USP10: variants seen among roughly 807,000 people sequenced by gnomAD.
USP10 encodes ubiquitin carboxyl-terminal hydrolase 10.
Under a neutral mutation model 84.5 loss-of-function variants are expected in USP10, and 22 were observed. That is an observed-to-expected ratio of 0.26 (90% CI 0.19 to 0.37). The LOEUF (loss-of-function observed/expected upper bound fraction) is 0.37, where lower values mean the gene tolerates loss of function less well. Among genes scored for constraint, USP10 ranks in the 10% least tolerant of loss-of-function variants. The probability of loss-of-function intolerance (pLI) is 1.00; values close to 1 mark genes in which losing one functional copy is unlikely to be tolerated. For synonymous variants in USP10, 454 were observed against 387.6 expected (o/e 1.17, Z -2.01); for missense variants, 1,019 against 998.9 (o/e 1.02, Z -0.27).
intron 1 of USP10, among the ~76,000 whole-genome samples, chr16:84,705,469 G>T (rs906790034): frequency 1.3e-5 from 2 of 151,936 alleles, no homozygotes; most frequent in African/African-American, 4.8e-5. Context: ...CTGACCTCAC[G>T]ATCCGCCCAC....
intron 13 of USP10, among the ~76,000 whole-genome samples, chr16:84,775,527 C>T (rs920299977): frequency 4.6e-5 from 7 of 152,320 alleles, no homozygotes; most frequent in East Asian, 3.9e-4. Flanking sequence ...TGACCTCTCC[C>T]GGCTGTGCTT....
rs1254765848 is a variant in USP10, at chr16:84,716,821, C to T, written c.22-16614C>T. On this transcript the variant is annotated intron_variant, in intron 1 of 13. Coordinates refer to ENST00000219473, the MANE Select transcript of USP10 (RefSeq NM_005153.3). Reference sequence around the variant, plus strand: ...ACCTTACAATTACATGGGGAGTGACCGCATGTCCTGGTCTAAACTTATCCC... The same window carrying T: ...ACCTTACAATTACATGGGGAGTGACTGCATGTCCTGGTCTAAACTTATCCC... 2.0e-5 allele frequency among the ~76,000 whole-genome samples: 3 copies of T among 152,192 alleles called. 1 individual carries two copies. The highest frequency in any genetic ancestry group is 4.1e-4 in the South Asian group (2 of 4,824).
chr16:84,706,834 C>T (rs369667944), intron 1 of USP10, among the ~76,000 whole-genome samples: 13 of 151,870 alleles, frequency 8.6e-5, no homozygotes, highest in East Asian at 3.9e-4. Context: ...GCCACCGCGC[C>T]GGGCCAAGAC....
intron 3 of USP10, 122 bp downstream of exon 3, chr16:84,740,491 C>T (rs1292014271): frequency 2.6e-6 from 2 of 760,838 alleles, no homozygotes; most frequent in Non-Finnish European, 2.2e-6. Flanking sequence ...GAAGTTTTTG[C>T]TGTAAACTGT....
intron 2 of USP10, among the ~76,000 whole-genome samples, chr16:84,739,465 G>T (rs547190980): frequency 6.6e-6 from 1 of 151,974 alleles, no homozygotes; most frequent in South Asian, 2.1e-4. Flanking sequence ...TAGAGATGGG[G>T]TTTCACCATG....
chr16:84,758,988 C>T (rs939119336), intron 5 of USP10, among the ~76,000 whole-genome samples, 181 bp downstream of exon 5: 24 of 152,226 alleles, frequency 1.6e-4, no homozygotes, highest in African/African-American at 5.5e-4. Context: ...CCCAGTCCAT[C>T]TCCCTCTAAA....
intron 1 of USP10, among the ~76,000 whole-genome samples, chr16:84,718,466 G>C (rs1907343102): frequency 2.0e-5 from 3 of 152,142 alleles, no homozygotes; most frequent in Admixed American, 2.0e-4. Context: ...TTGCATTATA[G>C]TTTTTCTTCT....
At chr16:84,710,522 G>A (rs1906146167) in intron 1 of USP10, among the ~76,000 whole-genome samples, 1 of 152,164 alleles carries the variant, frequency 6.6e-6, no homozygotes, top group Non-Finnish European at 1.5e-5. Flanking sequence ...ATTGGATAGA[G>A]TAGTTAGGGA....
At chr16:84,709,160 A>G (rs1905941894) in intron 1 of USP10, 1 of 152,260 alleles carries the variant, frequency 6.6e-6, no homozygotes, top group Non-Finnish European at 1.5e-5. Context: ...TTATGGGTCC[A>G]TTGAGGAAGA....
At chr16:84,768,164 A>C (rs1299191736) in intron 10 of USP10, 29 bp from the exon 11 acceptor site, 1 of 1,550,948 alleles carries the variant, frequency 6.4e-7, no homozygotes, top group Admixed American at 2.0e-5. Context: ...TGGTCTCTTA[A>C]TTTTTTTGTT....
chr16:84,740,951 G>A (rs748052407), intron 3 of USP10, among the ~76,000 whole-genome samples: 10 of 152,230 alleles, frequency 6.6e-5, no homozygotes, highest in Non-Finnish European at 1.5e-4. Context: ...AGTACCCAGC[G>A]TTGGAATACC....
intron 11 of USP10, 141 bp from the exon 12 acceptor site, chr16:84,772,400 G>C: frequency 8.9e-7 from 1 of 1,128,244 alleles, no homozygotes; most frequent in African/African-American, 1.6e-5. Context: ...AGCTTCTGTG[G>C]GGCAGGAAAA....
chr16:84,712,009 C>T (rs533866187), intron 1 of USP10, among the ~76,000 whole-genome samples: 25 of 152,212 alleles, frequency 1.6e-4, no homozygotes, highest in East Asian at 9.6e-4. Context: ...CATGAGCCAC[C>T]GCGCCCGGTG....
At chr16:84,704,161 T>TTTTG (rs979795583) in intron 1 of USP10, among the ~76,000 whole-genome samples, 8 of 152,186 alleles carry the variant, frequency 5.3e-5, no homozygotes, top group East Asian at 3.8e-4. Flanking sequence ...TGTTTCGGTT[T>TTTTG]TTTGTTTGTT....
chr16:84,721,528 T>G (rs535183853), intron 1 of USP10, among the ~76,000 whole-genome samples: 1 of 152,118 alleles, frequency 6.6e-6, no homozygotes, highest in Non-Finnish European at 1.5e-5. Flanking sequence ...CAGTTCGAGG[T>G]TTTTTGTCTT....
intron 13 of USP10, among the ~76,000 whole-genome samples, chr16:84,777,651 C>A (rs1915156862): frequency 6.6e-6 from 1 of 152,098 alleles, no homozygotes; most frequent in South Asian, 2.1e-4. Flanking sequence ...AGGAGTCTGA[C>A]TGGTGGCCTC....
intron 11 of USP10, among the ~76,000 whole-genome samples, chr16:84,771,012 G>A (rs1259096845): frequency 6.7e-6 from 1 of 149,480 alleles, no homozygotes; most frequent in African/African-American, 2.5e-5. Flanking sequence ...AGCTGAGATC[G>A]CACCACTGCA....
intron 13 of USP10, among the ~76,000 whole-genome samples, chr16:84,778,464 T>A (rs775705543): frequency 6.6e-6 from 1 of 152,224 alleles, no homozygotes; most frequent in African/African-American, 2.4e-5. Flanking sequence ...GGTTTTCCGT[T>A]TTTTCACTGT....
intron 5 of USP10, chr16:84,759,157 G>T: frequency 1.7e-6 from 1 of 604,248 alleles, no homozygotes; most frequent in Non-Finnish European, 2.9e-6. Flanking sequence ...ACAAACGACT[G>T]ACTGCTTCGT....
Sources: gnomAD v4.1 joint callset for allele counts (sites outside exome capture counted in the v4.1 genomes callset) on GRCh38, gnomAD v4.1.1 for gene constraint, MANE v1.5 for transcripts, NCBI Gene and HGNC (gene_info 2026-07-23, HGNC 2026-07-21) for gene names.